Variants in PSMA6 observed in about 807,000 individuals in gnomAD.
PSMA6 encodes the protein proteasome 20S subunit alpha 6, also known as proteasome subunit alpha type-6.
For synonymous variants in PSMA6, 88 were observed against 97.7 expected (o/e 0.90, Z 0.59); for missense variants, 170 against 294.8 (o/e 0.58, Z 3.10).
rs59394747 is a variant in PSMA6 at position 35,303,909 on chromosome 14, C to CT, written c.77-4072dup. ...AGTGTAAGCTAGAGATAATTTCTTTCTTTTTTTTTTTTTAAACGGAGTCTC... is the reference window on the plus strand; with the variant it reads ...AGTGTAAGCTAGAGATAATTTCTTTCTTTTTTTTTTTTTTAAACGGAGTCTC... On this transcript the variant is annotated intron_variant, in intron 1 of 6. Transcript: ENST00000261479. Among the ~76,000 whole-genome samples, 1,209 of 141,852 alleles carry CT rather than the reference C, an allele frequency of 8.5e-3. 15 individuals are homozygous for CT. Among genetic ancestry groups the CT allele is most frequent in the African/African-American group, 0.024 (950 of 38,938 alleles). 93.1% of individuals were successfully genotyped at this position (141,852 alleles called of 152,430 possible).
chr14:35,298,960 C>T (rs1303653883), intron 1 of PSMA6, among the ~76,000 whole-genome samples: 2 of 152,202 alleles, frequency 1.3e-5, no homozygotes, highest in African/African-American at 4.8e-5. Flanking sequence ...TCTCAAACTC[C>T]TGACCTCAAG....
intron 3 of PSMA6, 137 bp downstream of exon 3, chr14:35,309,132 C>T: frequency 3.1e-6 from 2 of 643,264 alleles, no homozygotes; most frequent in Admixed American, 2.9e-5. Flanking sequence ...TTGCAGTCTT[C>T]TAAGACTAGT....
chr14:35,306,127 G>A (rs2051822320), intron 1 of PSMA6, among the ~76,000 whole-genome samples: 1 of 152,120 alleles, frequency 6.6e-6, no homozygotes, highest in South Asian at 2.1e-4. Flanking sequence ...TACTCAGGAG[G>A]CTGAGGCTGG....
chr14:35,297,119 GTTTTTTTTT>G (rs924383407), intron 1 of PSMA6, among the ~76,000 whole-genome samples: 5 of 62,656 alleles, frequency 8.0e-5, no homozygotes, highest in East Asian at 6.2e-4. Context: ...TCTTAACAAA[GTTTTTTTTT>G]TTTTTTTTTT....
chr14:35,286,593 G>GCTATAATACTGAAGTTATTATAGCTAAAA (rs2051424513), intron 1 of PSMA6, among the ~76,000 whole-genome samples: 2 of 152,272 alleles, frequency 1.3e-5, no homozygotes, highest in African/African-American at 4.8e-5. Flanking sequence ...AAACAAGGGT[G>GCTATAATACTGAAGTTATTATAGCTAAAA]AACTGAAAAG....
chr14:35,311,496 C>G (rs1033278313), intron 4 of PSMA6, among the ~76,000 whole-genome samples: 2 of 152,198 alleles, frequency 1.3e-5, no homozygotes, highest in African/African-American at 4.8e-5. Flanking sequence ...ATCTGACCCT[C>G]TTGACTTCTC....
intron 1 of PSMA6, among the ~76,000 whole-genome samples, chr14:35,298,241 G>A (rs1254375333): frequency 6.6e-6 from 1 of 152,142 alleles, no homozygotes; most frequent in East Asian, 1.9e-4. Flanking sequence ...TGTAATCCCA[G>A]CACTTTGGGA....
intron 4 of PSMA6, 65 bp from the exon 5 acceptor site, chr14:35,312,816 C>A: frequency 7.0e-7 from 1 of 1,420,958 alleles, no homozygotes. Flanking sequence ...TGTGACACCA[C>A]CAAGAAAGAG....
chr14:35,289,437 C>G (rs1375017760), upstream of PSMA6, among the ~76,000 whole-genome samples: 1 of 152,010 alleles, frequency 6.6e-6, no homozygotes, highest in African/African-American at 2.4e-5. Flanking sequence ...TCAAGCGATT[C>G]TCCTGCCTCA....
intron 1 of PSMA6, among the ~76,000 whole-genome samples, chr14:35,305,470 T>C (rs1290256200): frequency 6.6e-6 from 1 of 152,240 alleles, no homozygotes; most frequent in African/African-American, 2.4e-5. Context: ...TCTAGAATCA[T>C]TTTTGCTCTG....
intron 4 of PSMA6, among the ~76,000 whole-genome samples, chr14:35,311,748 T>C (rs534086669): frequency 1.3e-5 from 2 of 152,310 alleles, no homozygotes; most frequent in Admixed American, 1.3e-4. Flanking sequence ...AGAATTGTAG[T>C]AACAAAGTTA....
chr14:35,279,406 C>T (rs2138698128), intron 1 of PSMA6, among the ~76,000 whole-genome samples: 1 of 152,316 alleles, frequency 6.6e-6, no homozygotes, highest in African/African-American at 2.4e-5. Flanking sequence ...GCTTAAACTA[C>T]AGCATTGCTG....
At chr14:35,301,978 A>G (rs1008190517) in intron 1 of PSMA6, among the ~76,000 whole-genome samples, 1 of 121,684 alleles carries the variant, frequency 8.2e-6, no homozygotes, top group African/African-American at 3.8e-5. Flanking sequence ...TGCTCAGCTT[A>G]GGTGATTTTT....
In PSMA6 at chr14:35,317,328, A is replaced by G; in HGVS notation, c.*22A>G. ...CTAAACATTGTCGTTAGTTTACCAGATCCGTGATGCCACTTACCTGTGTGT... is the reference window on the plus strand; with the variant it reads ...CTAAACATTGTCGTTAGTTTACCAGGTCCGTGATGCCACTTACCTGTGTGT... On this transcript the variant is annotated 3_prime_UTR_variant, in exon 7 of 7. Transcript: ENST00000261479. 3 of 1,584,452 alleles carry G rather than the reference A, an allele frequency of 1.9e-6. No individual in the cohort carries two copies. The highest frequency in any genetic ancestry group is 2.6e-6 in the Non-Finnish European group (3 of 1,154,712).
intron 1 of PSMA6, among the ~76,000 whole-genome samples, chr14:35,297,115 CAAA>C (rs1042802148): frequency 1.1e-5 from 1 of 87,408 alleles, no homozygotes; most frequent in Non-Finnish European, 2.2e-5. Flanking sequence ...AAAATCTTAA[CAAA>C]GTTTTTTTTT....
intron 1 of PSMA6, among the ~76,000 whole-genome samples, chr14:35,279,858 C>A (rs1256491483): frequency 6.6e-6 from 1 of 152,246 alleles, no homozygotes; most frequent in African/African-American, 2.4e-5. Context: ...GGCGTGGTGG[C>A]TCACGCCTGT....
At chr14:35,314,142 A>C in intron 5 of PSMA6, 1 of 299,560 alleles carries the variant, frequency 3.3e-6, no homozygotes. Context: ...AAATCATCCT[A>C]TTTTAATTAA....
upstream of PSMA6, among the ~76,000 whole-genome samples, chr14:35,292,020 GAGGTT>G (rs2051491166): frequency 6.6e-6 from 1 of 152,108 alleles, no homozygotes; most frequent in African/African-American, 2.4e-5. Context: ...GAGGATAAAA[GAGGTT>G]AGGAAGAAGG....
chr14:35,291,650 C>T (rs1240829746), upstream of PSMA6, among the ~76,000 whole-genome samples: 1 of 151,834 alleles, frequency 6.6e-6, no homozygotes, highest in Non-Finnish European at 1.5e-5. Context: ...ATGGCGAAAC[C>T]CCGCCTCTAC....
Sources: gnomAD v4.1 joint callset for allele counts (sites outside exome capture counted in the v4.1 genomes callset) on GRCh38, gnomAD v4.1.1 for gene constraint, MANE v1.5 for transcripts, NCBI Gene and HGNC (gene_info 2026-07-23, HGNC 2026-07-21) for gene names.